Variants in TSPAN8 observed in about 807,000 individuals in gnomAD.
TSPAN8 encodes the protein tetraspanin 8, also known as tetraspanin-8.
Under a neutral mutation model 32.8 loss-of-function variants are expected in TSPAN8, and 21 were observed. The ratio of observed to expected loss-of-function variants is 0.64; its 90% CI spans 0.45 to 0.92. The LOEUF is 0.92. Ranked by LOEUF, TSPAN8 falls within the 40% of genes least tolerant of loss-of-function variation. The pLI is 0.00. For synonymous variants in TSPAN8, 95 were observed against 94.6 expected, an observed-to-expected ratio of 1.00 and a Z score of -0.03; for missense variants, 269 against 281.9, an observed-to-expected ratio of 0.95 and a Z score of 0.33.
rs1197447883 is a variant in TSPAN8, at chr12:71,144,156, G to T, written c.118C>A (p.Gln40Lys). The change falls in exon 3 of 9, where the codon CAA becomes AAA. Residue 40 changes from glutamine to lysine, a missense_variant. Coordinates refer to ENST00000247829, the MANE Select transcript of TSPAN8 (RefSeq NM_004616.3). ...AIWVRVSNDSQAIFGSEDVGS... is the reference protein window; with the variant it reads ...AIWVRVSNDSKAIFGSEDVGS... ...ACTTGTTTTTGCATACTTACTGCTT[G>T]AGAGTCATTGCTTACTCGTACCCAT... 2 of 1,611,466 alleles carry T rather than the reference G, an allele frequency of 1.2e-6. No individual in the cohort carries two copies. The highest frequency in any genetic ancestry group is 1.3e-5 in the African/African-American group (1 of 74,840).
intron 6 of TSPAN8, among the ~76,000 whole-genome samples, chr12:71,133,219 G>A (rs1461008507): frequency 6.6e-6 from 1 of 152,058 alleles, no homozygotes; most frequent in Non-Finnish European, 1.5e-5. Flanking sequence ...GAGTAGCTGG[G>A]ATTACAGGCA....
At chr12:71,142,981 C>T (rs1462387763) in intron 3 of TSPAN8, among the ~76,000 whole-genome samples, 1 of 152,132 alleles carries the variant, frequency 6.6e-6, no homozygotes, top group Non-Finnish European at 1.5e-5. Flanking sequence ...AGGCATTTAG[C>T]TGCACCATGG....
intron 2 of TSPAN8, among the ~76,000 whole-genome samples, chr12:71,154,177 G>A (rs71456062): frequency 0.026 from 3,935 of 152,090 alleles, 64 homozygotes; most frequent in Non-Finnish European, 0.044. Context: ...GGGCATGGTG[G>A]TGCGTGCCTG....
intron 6 of TSPAN8, among the ~76,000 whole-genome samples, chr12:71,135,187 T>C (rs538953457): frequency 6.9e-6 from 1 of 144,788 alleles, no homozygotes; most frequent in South Asian, 2.2e-4. Flanking sequence ...ATAGTGGAGA[T>C]GGAGGAGGAG....
At chr12:71,157,090 G>A (rs1026494378) in intron 2 of TSPAN8, 2 of 152,852 alleles carry the variant, frequency 1.3e-5, no homozygotes, top group Non-Finnish European at 2.9e-5. Context: ...GTCTTAGTTT[G>A]ATTTTCTTAT....
At chr12:71,139,978 T>TTCATTCATTCATTCA in intron 3 of TSPAN8, 130 bp from the exon 4 acceptor site, 1 of 634,772 alleles carries the variant, frequency 1.6e-6, no homozygotes, top group Non-Finnish European at 2.6e-6. Context: ...ACATCAGTGA[T>TTCATTCATTCATTCA]CTTAAAAAGT....
chr12:71,130,151 G>T (rs1000513062), intron 7 of TSPAN8, among the ~76,000 whole-genome samples: 2 of 151,922 alleles, frequency 1.3e-5, no homozygotes, highest in Admixed American at 6.6e-5. Flanking sequence ...ACATGGTTTT[G>T]CCATATTGCC....
intron 6 of TSPAN8, 95 bp from the exon 7 acceptor site, chr12:71,132,919 G>T: frequency 7.1e-7 from 1 of 1,410,132 alleles, no homozygotes. Context: ...CATTATTAAA[G>T]GTTATTATGC....
At chr12:71,129,720 T>C (rs991476182) in intron 7 of TSPAN8, among the ~76,000 whole-genome samples, 4 of 152,110 alleles carry the variant, frequency 2.6e-5, no homozygotes, top group Non-Finnish European at 5.9e-5. Flanking sequence ...AAATGACAGA[T>C]TTTATAATTT....
At chr12:71,128,776 TC>T (rs1871424095) in intron 8 of TSPAN8, among the ~76,000 whole-genome samples, 1 of 152,070 alleles carries the variant, frequency 6.6e-6, no homozygotes, top group Non-Finnish European at 1.5e-5. Flanking sequence ...TGAAAATTTC[TC>T]CAAGTGAGTC....
intron 2 of TSPAN8, among the ~76,000 whole-genome samples, chr12:71,145,476 TG>T (rs1457288449): frequency 6.6e-6 from 1 of 152,086 alleles, no homozygotes; most frequent in Non-Finnish European, 1.5e-5. Context: ...AAATAACCTA[TG>T]CAATTATCTC....
intron 8 of TSPAN8, among the ~76,000 whole-genome samples, chr12:71,126,405 A>G (rs1450725354): frequency 6.6e-6 from 1 of 152,198 alleles, no homozygotes; most frequent in East Asian, 1.9e-4. Flanking sequence ...ACAAGTATCA[A>G]GAAAGAATTT....
At chr12:71,125,586 T>C (rs904042988) in intron 8 of TSPAN8, among the ~76,000 whole-genome samples, 199 bp from the exon 9 acceptor site, 2 of 152,180 alleles carry the variant, frequency 1.3e-5, no homozygotes, top group Admixed American at 6.6e-5. Flanking sequence ...GTTTTTTTTG[T>C]GTTTTAATCA....
At chr12:71,135,479 G>A (rs1871666087) in intron 6 of TSPAN8, among the ~76,000 whole-genome samples, 1 of 148,224 alleles carries the variant, frequency 6.7e-6, no homozygotes, top group Non-Finnish European at 1.5e-5. Flanking sequence ...AAAGAAGAAG[G>A]GGAGGCGGAG....
chr12:71,156,919 T>C (rs1872462472), intron 2 of TSPAN8: 1 of 152,242 alleles, frequency 6.6e-6, no homozygotes. Context: ...CCATTATCTA[T>C]TGATAGATAT....
chr12:71,148,166 C>T (rs1175386185), intron 2 of TSPAN8, among the ~76,000 whole-genome samples: 1 of 152,104 alleles, frequency 6.6e-6, no homozygotes. Flanking sequence ...AATGGTTAGC[C>T]ATTTAACCAT....
intron 2 of TSPAN8, among the ~76,000 whole-genome samples, chr12:71,144,974 C>T (rs956177251): frequency 6.6e-6 from 1 of 151,752 alleles, no homozygotes; most frequent in Non-Finnish European, 1.5e-5. Context: ...AAAAGTTATG[C>T]ATTGTGGCTT....
rs548984926 is a variant in TSPAN8, at chr12:71,156,265, A to C, written c.60+1354T>G. Among the ~76,000 whole-genome samples, 284 of 63,580 alleles carry C rather than the reference A, an allele frequency of 4.5e-3. 5 individuals carry two copies. The highest frequency in any genetic ancestry group is 8.1e-3 in the Non-Finnish European group (196 of 24,186). 41.7% of individuals were successfully genotyped at this position (63,580 alleles called of 152,430 possible). A position where few individuals can be genotyped will look rare whatever the true frequency, so the allele number is the denominator to read the frequency against. On this transcript the variant is annotated intron_variant, in intron 2 of 8. Transcript: ENST00000247829. ...CAAAGTTCTCCAAAAAAAAAAAAAAAAAACAAACAAAAAAAAAACTAGAAA... is the reference window on the plus strand; with the variant it reads ...CAAAGTTCTCCAAAAAAAAAAAAAACAAACAAACAAAAAAAAAACTAGAAA...
rs932506204 is a variant in TSPAN8, at chr12:71,154,365, G to A, written c.60+3254C>T. 5.2e-4 allele frequency among the ~76,000 whole-genome samples: 78 copies of A among 149,430 alleles called. 1 individual carries two copies. The highest frequency in any genetic ancestry group is 5.1e-3 in the Admixed American group (77 of 14,970). ...ATAATAATAATAATAATCAGAGCTC[G>A]CCAGGAAAGCAATGATAATATCTGG... On this transcript the variant is annotated intron_variant, in intron 2 of 8. Transcript: ENST00000247829.
Sources: allele counts gnomAD v4.1 joint callset (sites outside exome capture counted in the v4.1 genomes callset), GRCh38; gene constraint gnomAD v4.1.1; transcripts MANE v1.5; gene names NCBI Gene and HGNC (gene_info 2026-07-23, HGNC 2026-07-21).